Variants in GLP2R observed in about 807,000 individuals in gnomAD.
The protein encoded by GLP2R is glucagon-like peptide 2 receptor.
Under a neutral mutation model 68.2 loss-of-function variants are expected in GLP2R, and 59 were observed. The observed-to-expected ratio is 0.87, with a 90% CI of 0.70 to 1.07. The LOEUF (loss-of-function observed/expected upper bound fraction) is 1.07, where lower values mean the gene tolerates loss of function less well. Ranked by LOEUF, GLP2R falls within the 50% of genes least tolerant of loss-of-function variation. The probability of loss-of-function intolerance (pLI) is 0.00; values close to 1 mark genes in which losing one functional copy is unlikely to be tolerated. For synonymous variants in GLP2R, 270 were observed against 265.4 expected, an observed-to-expected ratio of 1.02 and a Z score of -0.17; for missense variants, 548 against 677.4, an observed-to-expected ratio of 0.81 and a Z score of 2.12.
At position 9,857,405 on chromosome 17, in the gene GLP2R, G is replaced by C. The variant is rs1158522983; in HGVS notation, c.612-18G>C. ...CATTCTTTCCTGAGGGAAGGCATTT[G>C]GTTTTCTCCTCGCACAGAAAACTCC... On this transcript the variant is annotated intron_variant, in intron 5 of 12. Transcript: ENST00000262441. The C allele has an allele frequency of 6.2e-7, 1 of 1,613,264 alleles. No individual in the cohort carries two copies.
At chr17:9,851,888 T>TA (rs969931161) in intron 4 of GLP2R, among the ~76,000 whole-genome samples, 48 of 148,496 alleles carry the variant, frequency 3.2e-4, no homozygotes, top group East Asian at 7.9e-4. Flanking sequence ...CCCCAAATAT[T>TA]AAAAAAAAAA....
At chr17:9,847,126 C>T (rs941410705) in intron 4 of GLP2R, among the ~76,000 whole-genome samples, 3 of 152,208 alleles carry the variant, frequency 2.0e-5, no homozygotes, top group African/African-American at 7.2e-5. Flanking sequence ...CATGTTTCTC[C>T]TCATGCAGAT....
At chr17:9,845,491 G>A (rs373422950) in intron 4 of GLP2R, among the ~76,000 whole-genome samples, 1 of 152,174 alleles carries the variant, frequency 6.6e-6, no homozygotes, top group African/African-American at 2.4e-5. Flanking sequence ...TTAGTTGTGA[G>A]GCTTCAGAGG....
intron 1 of GLP2R, among the ~76,000 whole-genome samples, chr17:9,833,408 C>T (rs147953182): frequency 2.6e-3 from 403 of 152,266 alleles, no homozygotes; most frequent in Non-Finnish European, 4.1e-3. Flanking sequence ...GCAATGCAGG[C>T]TTCTGCAATC....
chr17:9,842,588 G>T lies in GLP2R; in HGVS notation c.476G>T (p.Cys159Phe). 6.2e-7 allele frequency: 1 copy of T among 1,613,994 alleles called. No homozygotes were observed. Among genetic ancestry groups the T allele is most frequent in the South Asian group, 1.1e-5 (1 of 91,074 alleles). ...ATDIWQDDSE[C>F]SENHSFKQNV... ...GATATTTGGCAGGATGACTCCGAATGCTCCGAGAACCACAGCTTCAAGCAA... is the reference window on the plus strand; with the variant it reads ...GATATTTGGCAGGATGACTCCGAATTCTCCGAGAACCACAGCTTCAAGCAA... Residue 159 changes from cysteine to phenylalanine, a missense_variant, in exon 4 of 13, where the codon TGC (cysteine) becomes TTC (phenylalanine). Physicochemically the swap from Cys to Phe is radical, Grantham distance 205 (BLOSUM62 -2). Transcript: ENST00000262441.
chr17:9,836,356 T>G lies in GLP2R; in HGVS notation c.278-15T>G. On this transcript the variant is annotated splice_polypyrimidine_tract_variant and intron_variant, in intron 2 of 12. Coordinates refer to ENST00000262441, the MANE Select transcript of GLP2R (RefSeq NM_004246.3). ...TAAAACACTGATGTTTATCAGACCC[T>G]TCTTCTCTCTGTAGGCATATTTTGT... 2 of 1,536,950 alleles carry G rather than the reference T, an allele frequency of 1.3e-6. No individual in the cohort carries two copies. The highest frequency in any genetic ancestry group is 1.8e-6 in the Non-Finnish European group (2 of 1,109,880).
chr17:9,846,101 A>G (rs1395257753), intron 4 of GLP2R, among the ~76,000 whole-genome samples: 8 of 152,226 alleles, frequency 5.3e-5, no homozygotes, highest in Non-Finnish European at 1.2e-4. Context: ...TTTCCTAAAT[A>G]TGTCAATACT....
rs114271428 is a variant in GLP2R at position 9,826,186 on chromosome 17, G to A, written c.123G>A (p.Arg41=). The change falls in exon 1 of 13, where the codon AGG becomes AGA. Residue 41 remains arginine (R), a synonymous_variant. Transcript: ENST00000262441. ...GGACCAGTCCTCTCTCCTTCCACAGGAAGTGCTCTCTCTGGGCCCCTGGGA... is the reference window on the plus strand; with the variant it reads ...GGACCAGTCCTCTCTCCTTCCACAGAAAGTGCTCTCTCTGGGCCCCTGGGA... ...PWGTSPLSFH[R]KCSLWAPGRP... is the part of the protein sequence containing the mutation. 1 of 1,613,442 alleles carries A rather than the reference G, an allele frequency of 6.2e-7. No homozygotes were observed. Among genetic ancestry groups the A allele is most frequent in the Non-Finnish European group, 8.5e-7 (1 of 1,179,848 alleles).
chr17:9,860,167 C>A (rs895768619), intron 7 of GLP2R, 66 bp downstream of exon 7: 5 of 1,416,420 alleles, frequency 3.5e-6, no homozygotes, highest in East Asian at 2.5e-5. Context: ...CTGATAGAGA[C>A]TTTAGTTGGA....
At chr17:9,856,765 A>G (rs544134500) in intron 5 of GLP2R, among the ~76,000 whole-genome samples, 2 of 152,320 alleles carry the variant, frequency 1.3e-5, no homozygotes, top group African/African-American at 4.8e-5. Context: ...TGGACAGATG[A>G]CTTCATCCTT....
At chr17:9,872,857 C>T (rs1201746499) in intron 10 of GLP2R, among the ~76,000 whole-genome samples, 3 of 152,202 alleles carry the variant, frequency 2.0e-5, no homozygotes, top group African/African-American at 7.2e-5. Flanking sequence ...TGGGTGGCCA[C>T]TCTACCCTCC....
At position 9,889,695 on chromosome 17, in the gene GLP2R, G is replaced by C. The variant is rs1427241726; in HGVS notation, c.1652G>C (p.Ser551Thr). The change falls in exon 13 of 13, where the codon AGT (serine) becomes ACT (threonine). Residue 551 changes from serine (S) to threonine (T), a missense_variant. Ser to Thr is a moderately conservative substitution (Grantham distance 58). Coordinates refer to ENST00000262441, the MANE Select transcript of GLP2R (RefSeq NM_004246.3). ...ANTMEEILEE[S>T]EI is the part of the protein sequence containing the mutation. ...ACCATGGAGGAGATTCTGGAAGAGA[G>C]TGAGATCTAGGGTGGAGTTCCACCA... 6.4e-7 allele frequency: 1 copy of C among 1,559,388 alleles called. No individual in the cohort carries two copies. Among genetic ancestry groups the C allele is most frequent in the Non-Finnish European group, 8.7e-7 (1 of 1,148,570 alleles).
chr17:9,844,203 G>A (rs1269787482), intron 4 of GLP2R, among the ~76,000 whole-genome samples: 1 of 152,184 alleles, frequency 6.6e-6, no homozygotes, highest in African/African-American at 2.4e-5. Context: ...TAGAGGCCTC[G>A]GGAGAGGTAG....
chr17:9,864,698 T>C (rs940926770), intron 9 of GLP2R, among the ~76,000 whole-genome samples: 1 of 152,006 alleles, frequency 6.6e-6, no homozygotes, highest in Non-Finnish European at 1.5e-5. Context: ...AATTTTTGTA[T>C]TTTTAGTAGA....
At chr17:9,844,662 C>A (rs1371028371) in intron 4 of GLP2R, among the ~76,000 whole-genome samples, 1 of 101,854 alleles carries the variant, frequency 9.8e-6, no homozygotes, top group African/African-American at 3.4e-5. Flanking sequence ...ATTTTACTAC[C>A]TAATTCTTTT....
At chr17:9,842,758 C>A in intron 4 of GLP2R, 142 bp downstream of exon 4, 2 of 826,294 alleles carry the variant, frequency 2.4e-6, no homozygotes, top group Non-Finnish European at 1.9e-6. Flanking sequence ...GAAGGTCCCG[C>A]AAAGCAGCAA....
intron 3 of GLP2R, among the ~76,000 whole-genome samples, chr17:9,838,630 C>T (rs2066755757): frequency 1.3e-5 from 2 of 151,586 alleles, no homozygotes; most frequent in African/African-American, 4.9e-5. Flanking sequence ...ATTAAAGCCT[C>T]TTTAAAAAAA....
chr17:9,879,363 T>A (rs2067173507), intron 10 of GLP2R, among the ~76,000 whole-genome samples: 1 of 149,840 alleles, frequency 6.7e-6, no homozygotes, highest in Admixed American at 6.7e-5. Flanking sequence ...CAGGCACAGT[T>A]GTGCACACCT....
At chr17:9,827,566 G>A (rs73265312) in intron 1 of GLP2R, among the ~76,000 whole-genome samples, 18,972 of 152,100 alleles carry the variant, frequency 0.12, 1,894 homozygotes, top group African/African-American at 0.27. Context: ...TTAGACCTTC[G>A]TCCTCTTTCC....
Sources: gnomAD v4.1 joint callset for allele counts (sites outside exome capture counted in the v4.1 genomes callset) on GRCh38, gnomAD v4.1.1 for gene constraint, MANE v1.5 for transcripts, NCBI Gene and HGNC (gene_info 2026-07-23, HGNC 2026-07-21) for gene names.